The following IP6K3 variants were observed in gnomAD, a reference collection of about 807,000 sequenced individuals.
The protein encoded by IP6K3 is inositol hexakisphosphate kinase 3.
A neutral mutation model predicts 28.8 loss-of-function variants in IP6K3; 20 were observed. That is an observed-to-expected ratio of 0.70 (90% CI 0.49 to 1.01). IP6K3 has a LOEUF of 1.01. Among genes scored for constraint, IP6K3 ranks in the 50% least tolerant of loss-of-function variants. The pLI, the probability that IP6K3 is intolerant of heterozygous loss-of-function variation, is 0.00. For synonymous variants in IP6K3, 213 were observed against 221.3 expected, an observed-to-expected ratio of 0.96 and a Z score of 0.33; for missense variants, 480 against 537.1, an observed-to-expected ratio of 0.89 and a Z score of 1.05.
chr6:33,751,483 CGT>C (rs762389623), upstream of IP6K3, among the ~76,000 whole-genome samples: 495 of 61,444 alleles, frequency 8.1e-3, 1 homozygote, highest in African/African-American at 0.016. This position sits in a 1 kb window ranked among gnomAD's most constrained non-coding sequence, Gnocchi z 4.3. Context: ...CTCTGCAGGC[CGT>C]GTGTGTGTGT....
chr6:33,756,526 TCTC>T, the IP6K3 span, among the ~76,000 whole-genome samples: 1 of 151,984 alleles, frequency 6.6e-6, no homozygotes. Flanking sequence ...CTCTTTGGCT[TCTC>T]CTTTGAGTGG....
chr6:33,750,642 G>A (rs116242619), upstream of IP6K3, among the ~76,000 whole-genome samples: 3,076 of 152,272 alleles, frequency 0.02, 87 homozygotes, highest in African/African-American at 0.068. The surrounding 1 kb of genome is among the most constrained non-coding windows in gnomAD (Gnocchi z 4.3). Flanking sequence ...GTAACCCAGC[G>A]CCAGCCTTCC....
At chr6:33,752,601 A>G in the IP6K3 span, among the ~76,000 whole-genome samples, 1 of 152,256 alleles carries the variant, frequency 6.6e-6, no homozygotes, top group African/African-American at 2.4e-5. Context: ...AGACAAAGTT[A>G]GGCTGCAAAG....
intron 1 of IP6K3, among the ~76,000 whole-genome samples, chr6:33,745,647 G>A (rs987285019): frequency 6.6e-6 from 1 of 152,108 alleles, no homozygotes; most frequent in Middle Eastern, 3.2e-3. Flanking sequence ...CTTTTGACTG[G>A]ATCCTTTTCT....
chr6:33,735,399 C>A lies in IP6K3; in HGVS notation c.78G>T (p.Gly26=). 2 of 1,607,728 alleles carry A rather than the reference C, an allele frequency of 1.2e-6. No individual in the cohort carries two copies. Among genetic ancestry groups the A allele is most frequent in the Non-Finnish European group, 1.7e-6 (2 of 1,176,940 alleles). Residue 26 remains glycine, a synonymous_variant, in exon 2 of 6, where the codon GGG becomes GGT. Coordinates refer to ENST00000293756, the MANE Select transcript of IP6K3 (RefSeq NM_054111.5). ...CATACTTCATCACGCTCATGTGCCC[C>A]CCGACCTGGTGCAGGAAGGGCTCCA... ...VQLEPFLHQV[G]GHMSVMKYDE... is the part of the protein sequence containing the mutation.
At position 33,723,128 on chromosome 6, in the gene IP6K3, G is replaced by C. The variant is rs924806809; in HGVS notation, c.825C>G (p.Leu275=). The change falls in exon 6 of 6, where the codon CTC becomes CTG. Residue 275 remains leucine (L), a synonymous_variant. Transcript: ENST00000293756. ...LCKDKYYGRK[L]SVEGFRQALY... is the part of the protein sequence containing the mutation. Reference sequence around the variant, plus strand: ...GGGCTTGTCTGAACCCCTCCACTGAGAGTTTTCTTCCATAGTACTTGTCTT... The same window carrying C: ...GGGCTTGTCTGAACCCCTCCACTGACAGTTTTCTTCCATAGTACTTGTCTT... 2 of 1,613,712 alleles carry C rather than the reference G, an allele frequency of 1.2e-6. No individual in the cohort carries two copies. The highest frequency in any genetic ancestry group is 1.7e-6 in the Non-Finnish European group (2 of 1,179,856).
At chr6:33,759,676 A>C in the IP6K3 span, among the ~76,000 whole-genome samples, 1 of 152,218 alleles carries the variant, frequency 6.6e-6, no homozygotes, top group African/African-American at 2.4e-5. Context: ...ATCCTGGTTA[A>C]CACGGTGAAA....
At chr6:33,747,518 T>C (rs138911553), upstream of IP6K3, among the ~76,000 whole-genome samples, 255 of 152,214 alleles carry the variant, frequency 1.7e-3, 1 homozygote, top group Middle Eastern at 0.017. This position sits in a 1 kb window ranked among gnomAD's most constrained non-coding sequence, Gnocchi z 5.2. Flanking sequence ...TAGAGGACTT[T>C]GCAGAGAGTG....
the IP6K3 span, among the ~76,000 whole-genome samples, chr6:33,754,392 G>A: frequency 6.6e-6 from 1 of 152,156 alleles, no homozygotes; most frequent in African/African-American, 2.4e-5. Context: ...GGGCGGCCAC[G>A]CGTGTTATTT....
At chr6:33,725,728 C>T (rs1766088372) in intron 4 of IP6K3, 112 bp from the exon 5 acceptor site, 1 of 886,408 alleles carries the variant, frequency 1.1e-6, no homozygotes, top group East Asian at 2.6e-5. Flanking sequence ...GGGCACCATT[C>T]TTCACTCCCA....
At chr6:33,755,043 C>T in the IP6K3 span, among the ~76,000 whole-genome samples, 1 of 152,202 alleles carries the variant, frequency 6.6e-6, no homozygotes, top group South Asian at 2.1e-4. Flanking sequence ...GGGAAGCTGC[C>T]GCAGCCATCA....
chr6:33,738,100 T>C (rs1308114202), intron 1 of IP6K3, among the ~76,000 whole-genome samples: 1 of 152,264 alleles, frequency 6.6e-6, no homozygotes, highest in Non-Finnish European at 1.5e-5. Flanking sequence ...GGCAGCCTGA[T>C]GCCTCCCCTC....
intron 5 of IP6K3, among the ~76,000 whole-genome samples, chr6:33,724,529 A>T (rs1315768896): frequency 6.6e-6 from 1 of 152,192 alleles, no homozygotes; most frequent in Admixed American, 6.5e-5. Context: ...CAGAGCCCCA[A>T]AAAGGAGGCG....
rs1010107776 is a variant in IP6K3 at position 33,735,542 on chromosome 6, G to A, written c.-66C>T. The A allele has an allele frequency of 1.3e-6, 2 of 1,570,930 alleles. No homozygotes were observed. Among genetic ancestry groups the A allele is most frequent in the Non-Finnish European group, 1.7e-6 (2 of 1,164,382 alleles). Reference sequence around the variant, plus strand: ...CTAGAGGAAGGTTTGAAGTAGAAAGGGCAGCTCCCAACAGCACACGGGGCT... The same window carrying A: ...CTAGAGGAAGGTTTGAAGTAGAAAGAGCAGCTCCCAACAGCACACGGGGCT... On this transcript the variant is annotated 5_prime_UTR_variant, in exon 2 of 6. Transcript: ENST00000293756.
Position 33,722,500 on chromosome 6 carries a change from G to GT in IP6K3, c.*219_*220insA. ...ACTTTATCCTGGCTGTCTGTTCTCC[G>GT]ATGAGCAGCATTAGAGCATAATGCC... On this transcript the variant is annotated 3_prime_UTR_variant, in exon 6 of 6. Transcript: ENST00000293756. 2.2e-5 allele frequency: 9 copies of GT among 413,650 alleles called. No homozygotes were observed. The highest frequency in any genetic ancestry group is 9.6e-5 in the South Asian group (2 of 20,822). 25.6% of individuals were successfully genotyped at this position (413,650 alleles called of 1,614,324 possible).
At chr6:33,743,378 G>A (rs1186171055) in intron 1 of IP6K3, among the ~76,000 whole-genome samples, 3 of 152,242 alleles carry the variant, frequency 2.0e-5, no homozygotes, top group Non-Finnish European at 4.4e-5. Context: ...GTCTCTCGGA[G>A]CCAGAGGTTT....
intron 2 of IP6K3, among the ~76,000 whole-genome samples, chr6:33,734,754 G>T (rs1766449221): frequency 6.6e-6 from 1 of 152,234 alleles, no homozygotes; most frequent in African/African-American, 2.4e-5. Flanking sequence ...AAGTTTCCCA[G>T]CTACACGCAA....
chr6:33,728,679 G>T (rs1414121918), intron 2 of IP6K3, among the ~76,000 whole-genome samples: 2 of 152,194 alleles, frequency 1.3e-5, no homozygotes, highest in Admixed American at 6.5e-5. Context: ...CTGACCTGGG[G>T]GCATTGGAGC....
At chr6:33,730,839 C>T (rs1242446518) in intron 2 of IP6K3, among the ~76,000 whole-genome samples, 1 of 152,140 alleles carries the variant, frequency 6.6e-6, no homozygotes, top group Non-Finnish European at 1.5e-5. Context: ...CTGGTGTTGT[C>T]ACGCTGTTTA....
Sources: gnomAD v4.1 joint callset for allele counts (sites outside exome capture counted in the v4.1 genomes callset) on GRCh38, gnomAD v4.1.1 for gene constraint, Gnocchi (gnomAD v3.1) non-coding constraint, MANE v1.5 for transcripts, NCBI Gene and HGNC (gene_info 2026-07-23, HGNC 2026-07-21) for gene names.